The following STAB1 variants were observed in gnomAD, a reference collection of about 807,000 sequenced individuals.
STAB1 encodes stabilin-1.
A neutral mutation model predicts 332.4 loss-of-function variants in STAB1; 250 were observed. The ratio of observed to expected loss-of-function variants is 0.75; its 90% CI spans 0.68 to 0.84. The LOEUF is 0.84. Ranked by LOEUF, STAB1 falls within the 40% of genes least tolerant of loss-of-function variation. STAB1 has a pLI of 0.00. For synonymous variants in STAB1, 1,475 were observed against 1,390.4 expected, an observed-to-expected ratio of 1.06 and a Z score of -1.35; for missense variants, 3,249 against 3,489.7, an observed-to-expected ratio of 0.93 and a Z score of 1.74.
chr3:52,518,789 C>T lies in STAB1; in HGVS notation c.4954C>T (p.Arg1652Trp), dbSNP rs750189244. ...VFRYHVVGCR[R>W]LRSEDLLEQG... ...TCGCTACCACGTGGTTGGCTGTCGG[C>T]GGCTGCGGAGCGAGGACCTGCTGGA... Residue 1652 changes from arginine (R) to tryptophan (W), a missense_variant, in exon 48 of 69, where the codon CGG (arginine) becomes TGG (tryptophan). Coordinates refer to ENST00000321725, the MANE Select transcript of STAB1 (RefSeq NM_015136.3). 11 of 1,611,974 alleles carry T rather than the reference C, an allele frequency of 6.8e-6. No individual in the cohort carries two copies. The highest frequency in any genetic ancestry group is 3.3e-5 in the Admixed American group (2 of 59,960).
At chr3:52,502,817 C>T in intron 6 of STAB1, 90 bp downstream of exon 6, 1 of 1,416,474 alleles carries the variant, frequency 7.1e-7, no homozygotes, top group Non-Finnish European at 9.7e-7. Flanking sequence ...GCCTGAGCCT[C>T]AGCAGGACCT....
At chr3:52,506,551 T>C (rs1183075726) in intron 17 of STAB1, 141 bp from the exon 18 acceptor site, 5 of 934,332 alleles carry the variant, frequency 5.4e-6, no homozygotes, top group Non-Finnish European at 7.8e-6. Context: ...GAAGGAGAGG[T>C]GGCTGGTATG....
At position 52,516,706 on chromosome 3, in the gene STAB1, C is replaced by G. The variant is rs144486006; in HGVS notation, c.4301C>G (p.Ser1434Trp). 3.1e-6 allele frequency: 5 copies of G among 1,612,150 alleles called. No homozygotes were observed. The highest frequency in any genetic ancestry group is 1.7e-5 in the Admixed American group (1 of 59,974). ...ACCCCTCCCAGCTGCGTGCAGGACTCGGCCGGAGCCTCCACCTGCGCCTGT... is the reference window on the plus strand; with the variant it reads ...ACCCCTCCCAGCTGCGTGCAGGACTGGGCCGGAGCCTCCACCTGCGCCTGT... Reference protein sequence around the residue: ...CDPNANCVQDSAGASTCACAA... With the variant: ...CDPNANCVQDWAGASTCACAA... The change falls in exon 41 of 69, where the codon TCG becomes TGG. Residue 1434 changes from serine (S) to tryptophan (W), a missense_variant. Ser to Trp is a radical substitution (Grantham distance 177). Coordinates refer to ENST00000321725, the MANE Select transcript of STAB1 (RefSeq NM_015136.3).
At chr3:52,510,317 G>A (rs1709203299) in intron 24 of STAB1, 32 bp from the exon 25 acceptor site, 3 of 1,613,796 alleles carry the variant, frequency 1.9e-6, no homozygotes, top group Middle Eastern at 3.3e-4. Flanking sequence ...ACGTTCTTGT[G>A]TCCCTCAGTT....
At chr3:52,518,073 G>A in intron 45 of STAB1, 70 bp downstream of exon 45, 1 of 1,540,392 alleles carries the variant, frequency 6.5e-7, no homozygotes, top group Non-Finnish European at 8.7e-7. Context: ...CATGGTCTTG[G>A]CAAAGATCCG....
rs1018441504 is a variant in STAB1 at position 52,516,107 on chromosome 3, G to A, written c.4013G>A (p.Gly1338Glu). 1 of 1,612,114 alleles carries A rather than the reference G, an allele frequency of 6.2e-7. No individual in the cohort carries two copies. Among genetic ancestry groups the A allele is most frequent in the Non-Finnish European group, 8.5e-7 (1 of 1,179,596 alleles). Residue 1338 changes from glycine to glutamate, a missense_variant, in exon 38 of 69, where the codon GGG (glycine) becomes GAG (glutamate). Coordinates refer to ENST00000321725, the MANE Select transcript of STAB1 (RefSeq NM_015136.3). Reference protein sequence around the residue: ...LCEPCPGGLGGVCSGHGQCQD... With the variant: ...LCEPCPGGLGEVCSGHGQCQD... ...GAGCCATGCCCAGGGGGTCTAGGGG[G>A]GGTGTGCTCAGGCCATGGGCAGTGC...
At chr3:52,497,971 C>T (rs1316590177) in intron 1 of STAB1, among the ~76,000 whole-genome samples, 2 of 152,238 alleles carry the variant, frequency 1.3e-5, no homozygotes, top group East Asian at 3.9e-4. Context: ...ACCGAGGGCA[C>T]GTGGCTAGGT....
chr3:52,518,691 G>A (rs2078959112), intron 47 of STAB1, 32 bp from the exon 48 acceptor site: 4 of 1,612,016 alleles, frequency 2.5e-6, no homozygotes, highest in Non-Finnish European at 3.4e-6. Flanking sequence ...GCGGCAGTCA[G>A]GGACCCCACT....
chr3:52,508,351 A>G lies in STAB1; in HGVS notation c.2227A>G (p.Lys743Glu). The change falls in exon 21 of 69, where the codon AAA becomes GAA. Residue 743 changes from lysine to glutamate, a missense_variant. By Grantham distance (56) the Lys-to-Glu change is moderately conservative. Coordinates refer to ENST00000321725, the MANE Select transcript of STAB1 (RefSeq NM_015136.3). ...GGGCTTCTCCAACCCCTGCTATGGC[A>G]AAGGCAATGTGAGTCCCATCCTCTC... ...PGGFSNPCYG[K>E]GNCSDGIQGN... 1 of 1,613,744 alleles carries G rather than the reference A, an allele frequency of 6.2e-7. No individual in the cohort carries two copies. The highest frequency in any genetic ancestry group is 1.1e-5 in the South Asian group (1 of 91,080).
intron 55 of STAB1, 105 bp downstream of exon 55, chr3:52,521,110 G>A (rs2079057758): frequency 1.5e-6 from 2 of 1,353,176 alleles, no homozygotes; most frequent in Non-Finnish European, 2.0e-6. Flanking sequence ...CCAGGGCTGG[G>A]GAGCTCTGGG....
intron 36 of STAB1, 94 bp from the exon 37 acceptor site, chr3:52,515,329 C>A: frequency 1.6e-6 from 2 of 1,250,608 alleles, no homozygotes; most frequent in Non-Finnish European, 2.3e-6. Context: ...GCTCAGCTGC[C>A]TGACACCTGT....
chr3:52,503,072 C>A lies in STAB1; in HGVS notation c.657C>A (p.Cys219Ter). 6.2e-7 allele frequency: 1 copy of A among 1,601,560 alleles called. No homozygotes were observed. Among genetic ancestry groups the A allele is most frequent in the Non-Finnish European group, 8.5e-7 (1 of 1,175,348 alleles). ...CCGCAGAGGCTCCCAGCTGCAGGTG[C>A]CTGCCCGGCTACACACAGCAGGGCA... ...QCSAEAPSCR[C>*]LPGYTQQGSE... Residue 219 changes from cysteine to a stop codon, truncating the protein, a stop_gained, in exon 7 of 69, where the codon TGC (cysteine) becomes TGA (stop). Transcript: ENST00000321725. LOFTEE classifies it high-confidence loss of function.
Position 52,512,656 on chromosome 3 carries a change from AGAATGCT to A in STAB1, c.3027+15_3027+21del, listed in dbSNP as rs751693641. 9 of 1,613,634 alleles carry A rather than the reference AGAATGCT, an allele frequency of 5.6e-6. No homozygotes were observed. The highest frequency in any genetic ancestry group is 5.0e-5 in the Admixed American group (3 of 60,018). Reference sequence around the variant, plus strand: ...CCAATGGCTTAAGGTAGGACAGGGCAGAATGCTGGGGTTGAGGGCTCAAATCCAGGAG... The same window carrying A: ...CCAATGGCTTAAGGTAGGACAGGGCAGGGGTTGAGGGCTCAAATCCAGGAG... On this transcript the variant is annotated intron_variant, in intron 28 of 68. Transcript: ENST00000321725.
Position 52,522,949 on chromosome 3 carries a change from AC to A in STAB1, c.6910+12del. 6.2e-7 allele frequency: 1 copy of A among 1,609,730 alleles called. No homozygotes were observed. Among genetic ancestry groups the A allele is most frequent in the Non-Finnish European group, 8.5e-7 (1 of 1,177,234 alleles). On this transcript the variant is annotated intron_variant, in intron 62 of 68. Transcript: ENST00000321725. ...CTGCTTCCGTGTGCAAGGTGTGTCC[AC>A]CCGACCAAACCCTACTTCCCCTGCT...
rs1183886623 is a variant in STAB1, at chr3:52,516,551, G to T, written c.4250G>T (p.Ser1417Ile). 10 of 1,613,234 alleles carry T rather than the reference G, an allele frequency of 6.2e-6. No homozygotes were observed. Among genetic ancestry groups the T allele is most frequent in the African/African-American group, 1.3e-5 (1 of 75,022 alleles). The change falls in exon 40 of 69, where the codon AGC becomes ATC. Residue 1417 changes from serine to isoleucine, a missense_variant. Ser to Ile is a moderately radical substitution (Grantham distance 142). Transcript: ENST00000321725. ...QGLRCDQKIT[S>I]PQCPRKCDPN... ...TCCTCCTGCCCCCCAGAAATCACCA[G>T]CCCTCAGTGCCCTAGGAAGTGCGAC...
At chr3:52,498,625 A>G (rs1332154446) in intron 1 of STAB1, among the ~76,000 whole-genome samples, 1 of 152,230 alleles carries the variant, frequency 6.6e-6, no homozygotes, top group Admixed American at 6.5e-5. Flanking sequence ...ACTGTCTCAG[A>G]GTGCGACCAG....
chr3:52,507,239 T>G (rs191089132), intron 18 of STAB1, among the ~76,000 whole-genome samples: 317 of 152,330 alleles, frequency 2.1e-3, no homozygotes, highest in African/African-American at 7.2e-3. Flanking sequence ...GAGATGGGAT[T>G]TCACCATGTT....
In STAB1 at chr3:52,524,164, C is replaced by G. The variant is rs369409374; in HGVS notation, c.7607C>G (p.Ser2536Cys). The G allele has an allele frequency of 1.4e-5, 23 of 1,613,984 alleles. No individual in the cohort carries two copies. In the African/African-American group the frequency reaches 2.4e-4, roughly 17 times the overall value. ...GAAGGGACCAACCCCACCCTGGTCT[C>G]TGTCCCCAACCCTGTCTTTGGCAGC... is the stretch of plus-strand genomic sequence containing the variant. ...WQEGTNPTLV[S>C]VPNPVFGSDT... Residue 2536 changes from serine to cysteine, a missense_variant, in exon 68 of 69, where the codon TCT becomes TGT. Coordinates refer to ENST00000321725, the MANE Select transcript of STAB1 (RefSeq NM_015136.3).
chr3:52,521,580 C>T lies in STAB1; in HGVS notation c.6059-16C>T, dbSNP rs749374242. The T allele has an allele frequency of 6.2e-7, 1 of 1,613,100 alleles. No homozygotes were observed. The highest frequency in any genetic ancestry group is 2.2e-5 in the East Asian group (1 of 44,880). On this transcript the variant is annotated splice_polypyrimidine_tract_variant and intron_variant, in intron 56 of 68. Transcript: ENST00000321725. Reference sequence around the variant, plus strand: ...TGTGGGCCAATCTTTATCTTCCTGCCTGTCCCTCTCCCCAGCCTGCCGCTG... The same window carrying T: ...TGTGGGCCAATCTTTATCTTCCTGCTTGTCCCTCTCCCCAGCCTGCCGCTG...
Sources: allele counts gnomAD v4.1 joint callset (sites outside exome capture counted in the v4.1 genomes callset), GRCh38; gene constraint gnomAD v4.1.1; transcripts MANE v1.5; gene names NCBI Gene and HGNC (gene_info 2026-07-23, HGNC 2026-07-21).